Variants in MSH5 observed in about 807,000 individuals in gnomAD.
The protein encoded by MSH5 is mutS homolog 5.
MSH5 carries 78 observed loss-of-function variants against 107.7 expected under a neutral mutation model. That is an observed-to-expected ratio of 0.72 (90% confidence interval 0.60 to 0.87). MSH5 has a LOEUF of 0.87. MSH5 is among the 40% of genes least tolerant of loss of function. The probability of loss-of-function intolerance (pLI) is 0.00; values close to 1 mark genes in which losing one functional copy is unlikely to be tolerated. For missense variants in MSH5, 889 were observed against 1,046.6 expected (o/e 0.85, Z 2.08); for synonymous variants, 326 against 399.5 (o/e 0.82, Z 2.19).
chr6:31,755,411 G>A (rs1314397181), intron 12 of MSH5, among the ~76,000 whole-genome samples: 2 of 151,680 alleles, frequency 1.3e-5, no homozygotes, highest in Non-Finnish European at 2.9e-5. Context: ...AGCCCAGGCT[G>A]GAGTGCAATG....
rs368880246 is a variant in MSH5, at chr6:31,746,056, G to A, written c.766+737G>A. 4.9e-3 allele frequency: 684 copies of A among 138,928 alleles called. 21 individuals carry two copies. The South Asian group carries it at 0.086, about 18-fold the overall frequency. 8.6% of individuals were successfully genotyped at this position (138,928 alleles called of 1,614,324 possible). ...GCTGGGATTACAGGCGTGAGCCACC[G>A]CGCCTGGCCAGTTGTGTCCAGTTTT... On this transcript the variant is annotated intron_variant, in intron 9 of 24. Transcript: ENST00000375750.
chr6:31,753,733 C>CT (rs373471152), intron 12 of MSH5, 104 bp downstream of exon 12: 98,559 of 836,400 alleles, frequency 0.12, 93 homozygotes, highest in Non-Finnish European at 0.12. Flanking sequence ...ATTCTACCCT[C>CT]TTTTTTTTTT....
chr6:31,752,538 A>G (rs1219703090), intron 10 of MSH5, among the ~76,000 whole-genome samples: 1 of 152,074 alleles, frequency 6.6e-6, no homozygotes, highest in Non-Finnish European at 1.5e-5. Context: ...TGGCCAACAT[A>G]GTGAAACCCT....
chr6:31,761,337 G>T lies in MSH5; in HGVS notation c.2037+75G>T. 6.2e-7 allele frequency: 1 copy of T among 1,606,052 alleles called. No individual in the cohort carries two copies. Among genetic ancestry groups the T allele is most frequent in the South Asian group, 1.1e-5 (1 of 90,772 alleles). On this transcript the variant is annotated intron_variant, in intron 21 of 24. Coordinates refer to ENST00000375750, the MANE Select transcript of MSH5 (RefSeq NM_172166.4). The surrounding 1 kb of genome is among the most constrained non-coding windows in gnomAD (Gnocchi z 5.3). ...GAGGATGAAGGAGCATGACAGTGAG[G>T]CTGGGCCTCTGGAATGGAATAGGGC...
chr6:31,745,921 C>T (rs773736278), intron 9 of MSH5, among the ~76,000 whole-genome samples: 3 of 151,734 alleles, frequency 2.0e-5, no homozygotes, highest in Non-Finnish European at 4.4e-5. Flanking sequence ...GTGCCCACCA[C>T]GATGCCTGGC....
Position 31,759,553 on chromosome 6 carries a change from A to T in MSH5, c.1495+41A>T, listed in dbSNP as rs757087670. The T allele has an allele frequency of 1.5e-5, 24 of 1,602,396 alleles. No individual in the cohort carries two copies. Among genetic ancestry groups the T allele is most frequent in the Middle Eastern group, 2.0e-4 (1 of 5,102 alleles). On this transcript the variant is annotated intron_variant, in intron 17 of 24. Transcript: ENST00000375750. The surrounding 1 kb of genome is among the most constrained non-coding windows in gnomAD (Gnocchi z 4.7). ...AGGTTATATGCATTGTAAGATGTTTAAAAAAAGCAGCAGCCAGGGGAAGGA... is the reference window on the plus strand; with the variant it reads ...AGGTTATATGCATTGTAAGATGTTTTAAAAAAGCAGCAGCCAGGGGAAGGA...
At chr6:31,753,733 C>CTA in intron 12 of MSH5, 104 bp downstream of exon 12, 1 of 859,514 alleles carries the variant, frequency 1.2e-6, no homozygotes, top group South Asian at 1.6e-5. Context: ...ATTCTACCCT[C>CTA]TTTTTTTTTT....
rs1809549520 is a variant in MSH5, at chr6:31,747,306, G to A, written c.767-81G>A. 2.1e-6 allele frequency: 3 copies of A among 1,462,114 alleles called. No homozygotes were observed. In the Admixed American group the frequency reaches 5.3e-5, roughly 26 times the overall value. The allele number at this position is 1,462,114 out of a possible 1,614,324, so 90.6% of individuals were successfully genotyped here. On this transcript the variant is annotated intron_variant, in intron 9 of 24. Transcript: ENST00000375750. ...AACAACCAGCACCTCTGACCTGGAT[G>A]CCTCAGCTTAGACACATAAACACAT...
intron 3 of MSH5, 149 bp downstream of exon 3, chr6:31,741,435 G>A: frequency 9.0e-7 from 1 of 1,110,148 alleles, no homozygotes; most frequent in South Asian, 1.6e-5. Context: ...CTCAAGTGCA[G>A]TGGCGCAATC....
At chr6:31,753,771 C>T in intron 12 of MSH5, 142 bp downstream of exon 12, 1 of 786,644 alleles carries the variant, frequency 1.3e-6, no homozygotes, top group African/African-American at 1.7e-5. Context: ...CTCTGTCGCC[C>T]AGGCTGAAGT....
In MSH5 at chr6:31,744,214, A is replaced by C. The variant is rs1453199689; in HGVS notation, c.562A>C (p.Lys188Gln). The C allele has an allele frequency of 6.2e-7, 1 of 1,613,588 alleles. No homozygotes were observed. Among genetic ancestry groups the C allele is most frequent in the South Asian group, 1.1e-5 (1 of 91,036 alleles). The change falls in exon 7 of 25, where the codon AAG becomes CAG. Residue 188 changes from lysine to glutamine, a missense_variant. This residue lies in a region of MSH5 where 518 missense variants were observed against 565.0 expected (regional missense o/e 0.92). Transcript: ENST00000375750. ...LTVRALGGLL[K>Q]FLGRRRIGVE... ...GGTTCGAGCACTTGGAGGGCTGCTG[A>C]AGTTCCTGGGTCGAAGAAGAATCGG...
chr6:31,749,801 T>C (rs1809789370), intron 10 of MSH5, among the ~76,000 whole-genome samples: 1 of 152,226 alleles, frequency 6.6e-6, no homozygotes, highest in African/African-American at 2.4e-5. Context: ...TAGCACTCAA[T>C]GTGTGAACAC....
In MSH5 at chr6:31,743,994, C is replaced by T; in HGVS notation, c.506C>T (p.Ser169Phe). 6.2e-7 allele frequency: 1 copy of T among 1,614,166 alleles called. No homozygotes were observed. Among genetic ancestry groups the T allele is most frequent in the Non-Finnish European group, 8.5e-7 (1 of 1,180,042 alleles). ...GCCACTGAGAAAATCCTCTTCCTCT[C>T]TTCCATTATTCCCTTTGACTGCCTC... Reference protein sequence around the residue: ...MTATEKILFLSSIIPFDCLLT... With the variant: ...MTATEKILFLFSIIPFDCLLT... Residue 169 changes from serine (S) to phenylalanine (F), a missense_variant, in exon 6 of 25, where the codon TCT becomes TTT. Physicochemically the swap from Ser to Phe is radical, Grantham distance 155. Coordinates refer to ENST00000375750, the MANE Select transcript of MSH5 (RefSeq NM_172166.4).
Position 31,740,423 on chromosome 6 carries a change from T to A in MSH5, c.-13-31T>A, listed in dbSNP as rs755500766. 3.0e-5 allele frequency: 47 copies of A among 1,541,772 alleles called. No individual in the cohort carries two copies. The Admixed American group carries it at 3.1e-4, about 10-fold the overall frequency. ...CCGGCCTCCTCTGTGAATCGTTGCTTCCGAACCGCCCTCACTTTTTGCATC... is the reference window on the plus strand; with the variant it reads ...CCGGCCTCCTCTGTGAATCGTTGCTACCGAACCGCCCTCACTTTTTGCATC... On this transcript the variant is annotated intron_variant, in intron 1 of 24. Transcript: ENST00000375750. The surrounding 1 kb of genome is among the most constrained non-coding windows in gnomAD (Gnocchi z 4.4).
chr6:31,759,819 G>T lies in MSH5; in HGVS notation c.1529G>T (p.Cys510Phe). 1 of 1,613,712 alleles carries T rather than the reference G, an allele frequency of 6.2e-7. No individual in the cohort carries two copies. Among genetic ancestry groups the T allele is most frequent in the Non-Finnish European group, 8.5e-7 (1 of 1,180,038 alleles). ...QETLLMYQLQ[C>F]QVLARAAVLT... is the part of the protein sequence containing the mutation. ...ACGCTGCTGATGTACCAGCTACAGTGCCAGGTGCTGGCACGAGCAGCTGTC... is the reference window on the plus strand; with the variant it reads ...ACGCTGCTGATGTACCAGCTACAGTTCCAGGTGCTGGCACGAGCAGCTGTC... The change falls in exon 18 of 25, where the codon TGC becomes TTC. Residue 510 changes from cysteine (C) to phenylalanine (F), a missense_variant. Transcript: ENST00000375750. The surrounding 1 kb of genome is among the most constrained non-coding windows in gnomAD (Gnocchi z 4.7).
intron 24 of MSH5, 114 bp downstream of exon 24, chr6:31,762,299 T>C (rs539905004): frequency 2.2e-6 from 3 of 1,389,576 alleles, no homozygotes; most frequent in South Asian, 2.3e-5. Context: ...AACCCACCAT[T>C]TCTTTCTGAA....
chr6:31,744,261 T>C lies in MSH5; in HGVS notation c.609T>C (p.Asn203=), dbSNP rs1809199115. Residue 203 remains asparagine (N), a synonymous_variant, in exon 7 of 25, where the codon AAT becomes AAC. Transcript: ENST00000375750. ...TCGGGGTTGAACTGGAAGACTATAATGTCAGCGTCCCCATCCTGGGCTTTA... is the reference window on the plus strand; with the variant it reads ...TCGGGGTTGAACTGGAAGACTATAACGTCAGCGTCCCCATCCTGGGCTTTA... ...RRIGVELEDY[N]VSVPILGFKK... is the part of the protein sequence containing the mutation. The C allele has an allele frequency of 6.2e-7, 1 of 1,614,158 alleles. No homozygotes were observed. The highest frequency in any genetic ancestry group is 8.5e-7 in the Non-Finnish European group (1 of 1,180,018).
chr6:31,740,412 G>A lies in MSH5; in HGVS notation c.-13-42G>A. On this transcript the variant is annotated intron_variant, in intron 1 of 24. Transcript: ENST00000375750. This position sits in a 1 kb window ranked among gnomAD's most constrained non-coding sequence, Gnocchi z 4.4. Reference sequence around the variant, plus strand: ...GCCACCCTACCCCGGCCTCCTCTGTGAATCGTTGCTTCCGAACCGCCCTCA... The same window carrying A: ...GCCACCCTACCCCGGCCTCCTCTGTAAATCGTTGCTTCCGAACCGCCCTCA... The A allele has an allele frequency of 3.3e-6, 5 of 1,537,960 alleles. No individual in the cohort carries two copies. The highest frequency in any genetic ancestry group is 4.4e-6 in the Non-Finnish European group (5 of 1,141,412).
At chr6:31,757,221 T>C (rs1810521035) in intron 12 of MSH5, among the ~76,000 whole-genome samples, 1 of 152,104 alleles carries the variant, frequency 6.6e-6, no homozygotes, top group African/African-American at 2.4e-5. Context: ...CTCGGCTCAC[T>C]GCAAGCTCTG....
Sources: gnomAD v4.1 joint callset for allele counts (sites outside exome capture counted in the v4.1 genomes callset) on GRCh38, gnomAD v4.1.1 for gene constraint, gnomAD v4.1.1 regional missense constraint, Gnocchi (gnomAD v3.1) non-coding constraint, MANE v1.5 for transcripts, NCBI Gene and HGNC (gene_info 2026-07-23, HGNC 2026-07-21) for gene names.